PHACTR1: variants seen among roughly 807,000 people sequenced by gnomAD.
The protein encoded by PHACTR1 is RPEL repeat containing 1.
In PHACTR1, 16 loss-of-function variants were observed where a neutral mutation model predicts 69.2. The observed-to-expected ratio is 0.23, with a 90% CI of 0.16 to 0.35. PHACTR1 has a LOEUF of 0.35. Ranked by LOEUF, PHACTR1 falls within the 10% of genes least tolerant of loss-of-function variation. The probability of loss-of-function intolerance (pLI) is 1.00; values close to 1 mark genes in which losing one functional copy is unlikely to be tolerated. For synonymous variants in PHACTR1, 312 were observed against 284.5 expected (o/e 1.10, Z -0.97); for missense variants, 510 against 734.7 (o/e 0.69, Z 3.54).
chr6:13,287,267 G>GCC lies in PHACTR1; in HGVS notation c.*189_*190insCC, dbSNP rs1781871498. 1 of 637,856 alleles carries GCC rather than the reference G, an allele frequency of 1.6e-6. No homozygotes were observed. Among genetic ancestry groups the GCC allele is most frequent in the African/African-American group, 1.9e-5 (1 of 53,292 alleles). 39.5% of individuals were successfully genotyped at this position (637,856 alleles called of 1,614,324 possible). ...GAAAACGCAAAAGTGATGGCTCGGC[G>GCC]GTCCGAGCTGCTGGTCCCACTTCTG... On this transcript the variant is annotated 3_prime_UTR_variant, in exon 15 of 15. Transcript: ENST00000332995.
intron 11 of PHACTR1, 141 bp downstream of exon 11, chr6:13,273,056 A>G (rs1778104929): frequency 8.1e-7 from 1 of 1,229,306 alleles, no homozygotes; most frequent in Non-Finnish European, 1.1e-6. Context: ...TCATGTGTGC[A>G]TGTTAGAACA....
intron 4 of PHACTR1, among the ~76,000 whole-genome samples, chr6:12,783,324 A>G (rs1429976120): frequency 1.3e-5 from 2 of 152,374 alleles, no homozygotes; most frequent in Middle Eastern, 3.4e-3. Context: ...ACCAGAATCT[A>G]TATGACGGTC....
intron 10 of PHACTR1, among the ~76,000 whole-genome samples, chr6:13,240,136 C>G (rs1772620410): frequency 6.6e-6 from 1 of 151,464 alleles, no homozygotes; most frequent in Non-Finnish European, 1.5e-5. Context: ...ACTGATTATT[C>G]CAGCAGCATT....
At chr6:13,023,984 G>T (rs1369811110) in intron 4 of PHACTR1, among the ~76,000 whole-genome samples, 5 of 152,052 alleles carry the variant, frequency 3.3e-5, no homozygotes, top group Non-Finnish European at 7.4e-5. Flanking sequence ...GGCTGAGGCT[G>T]GAGAATCACT....
chr6:12,959,792 C>G (rs1792448400), intron 4 of PHACTR1, among the ~76,000 whole-genome samples: 1 of 152,220 alleles, frequency 6.6e-6, no homozygotes, highest in African/African-American at 2.4e-5. Context: ...GAGTGCATTG[C>G]CTTCCACTCT....
intron 10 of PHACTR1, among the ~76,000 whole-genome samples, chr6:13,238,397 C>T (rs906092300): frequency 6.6e-6 from 1 of 152,146 alleles, no homozygotes; most frequent in Non-Finnish European, 1.5e-5. Flanking sequence ...TGATCATCTC[C>T]ATGAAACCTA....
chr6:13,167,652 G>A (rs1407101670), intron 6 of PHACTR1, among the ~76,000 whole-genome samples: 6 of 152,242 alleles, frequency 3.9e-5, no homozygotes, highest in Non-Finnish European at 8.8e-5. Flanking sequence ...AACTGACAGT[G>A]TGCCAGTGAG....
rs1761697308 is a variant in PHACTR1 at position 12,718,622 on chromosome 6, A to G, written c.-46-77A>G. On this transcript the variant is annotated intron_variant, in intron 2 of 14. Coordinates refer to ENST00000332995, the MANE Select transcript of PHACTR1 (RefSeq NM_030948.6). ...ATTATAATGGGATATTCTTATTCAA[A>G]CATTTTAAAGTACATCTATATATAC... is the stretch of plus-strand genomic sequence containing the variant. The G allele has an allele frequency of 5.0e-5, 21 of 420,920 alleles. 1 individual carries two copies. The highest frequency in any genetic ancestry group is 4.2e-6 in the Non-Finnish European group (1 of 238,672). 26.1% of individuals were successfully genotyped at this position (420,920 alleles called of 1,614,324 possible).
intron 5 of PHACTR1, among the ~76,000 whole-genome samples, chr6:13,098,674 T>C (rs184884355): frequency 9.2e-5 from 14 of 152,312 alleles, no homozygotes. Flanking sequence ...ATCCACTCTT[T>C]CACTCAGAAT....
At chr6:13,181,263 G>C (rs1394154929) in intron 6 of PHACTR1, among the ~76,000 whole-genome samples, 2 of 152,160 alleles carry the variant, frequency 1.3e-5, no homozygotes, top group Non-Finnish European at 2.9e-5. Flanking sequence ...AATTAAACTA[G>C]AGGTGGAACA....
chr6:12,813,120 A>C (rs1775208679), intron 4 of PHACTR1, among the ~76,000 whole-genome samples: 1 of 152,192 alleles, frequency 6.6e-6, no homozygotes, highest in South Asian at 2.1e-4. Flanking sequence ...TTAGGTATTA[A>C]GGATGCACAG....
At chr6:12,986,609 G>C (rs1297806460) in intron 4 of PHACTR1, among the ~76,000 whole-genome samples, 1 of 152,222 alleles carries the variant, frequency 6.6e-6, no homozygotes, top group Admixed American at 6.5e-5. Flanking sequence ...TTTGCCATCA[G>C]AGAGCTTCCA....
intron 4 of PHACTR1, among the ~76,000 whole-genome samples, chr6:12,826,312 G>C (rs566084973): frequency 1.7e-4 from 26 of 152,250 alleles, no homozygotes; most frequent in African/African-American, 6.3e-4. Flanking sequence ...TAAAGTATTG[G>C]GCAAAGTAGA....
intron 4 of PHACTR1, among the ~76,000 whole-genome samples, chr6:12,931,395 CA>C (rs1554169744): frequency 6.6e-6 from 1 of 152,124 alleles, no homozygotes; most frequent in Non-Finnish European, 1.5e-5. Context: ...GTTATAAGCA[CA>C]ATAGCTATGT....
At chr6:13,084,351 C>T (rs1376656744) in intron 5 of PHACTR1, among the ~76,000 whole-genome samples, 1 of 124,212 alleles carries the variant, frequency 8.1e-6, no homozygotes, top group Admixed American at 1.1e-4. Flanking sequence ...GGAAGGGGAA[C>T]ATCACACACC....
chr6:13,118,547 C>T (rs1022791424), intron 5 of PHACTR1, among the ~76,000 whole-genome samples: 4 of 139,560 alleles, frequency 2.9e-5, no homozygotes, highest in Non-Finnish European at 6.0e-5. Flanking sequence ...GGCATGATCT[C>T]GGCTCACTGC....
intron 5 of PHACTR1, among the ~76,000 whole-genome samples, chr6:13,156,492 C>T (rs1167725341): frequency 6.6e-6 from 1 of 152,214 alleles, no homozygotes; most frequent in African/African-American, 2.4e-5. Context: ...TTGAGTCATA[C>T]ACTTGGAGCC....
intron 5 of PHACTR1, among the ~76,000 whole-genome samples, chr6:13,154,208 A>G (rs1417216887): frequency 6.6e-6 from 1 of 152,158 alleles, no homozygotes; most frequent in Non-Finnish European, 1.5e-5. Context: ...TCTGTTGCCC[A>G]GGCTGGAGTG....
At chr6:13,135,645 C>CAAT (rs1821430955) in intron 5 of PHACTR1, among the ~76,000 whole-genome samples, 1 of 152,072 alleles carries the variant, frequency 6.6e-6, no homozygotes, top group South Asian at 2.1e-4. Flanking sequence ...TCAGTAAAGA[C>CAAT]AATATATAGA....
Sources: gnomAD v4.1 joint callset for allele counts (sites outside exome capture counted in the v4.1 genomes callset) on GRCh38, gnomAD v4.1.1 for gene constraint, MANE v1.5 for transcripts, NCBI Gene and HGNC (gene_info 2026-07-23, HGNC 2026-07-21) for gene names.